CNTN3: variants seen among roughly 807,000 people sequenced by gnomAD.
CNTN3 encodes the protein contactin-3.
CNTN3 carries 60 observed loss-of-function variants against 119.1 expected under a neutral mutation model. That is an observed-to-expected ratio of 0.50 (90% CI 0.41 to 0.62). CNTN3 has a LOEUF of 0.62. CNTN3 is among the 20% of genes least tolerant of loss of function. CNTN3 has a pLI of 0.00. For synonymous variants in CNTN3, 450 were observed against 438.7 expected, an observed-to-expected ratio of 1.03 and a Z score of -0.32; for missense variants, 1,101 against 1,242.4, an observed-to-expected ratio of 0.89 and a Z score of 1.71.
intron 1 of CNTN3, among the ~76,000 whole-genome samples, chr3:74,544,654 A>G (rs908365334): frequency 1.3e-5 from 2 of 152,110 alleles, no homozygotes; most frequent in Non-Finnish European, 2.9e-5. Context: ...GCTGGAGTGC[A>G]GTGGCGCGAT....
At chr3:74,589,830 C>A (rs1455787743) in intron 1 of CNTN3, among the ~76,000 whole-genome samples, 1 of 151,482 alleles carries the variant, frequency 6.6e-6, no homozygotes, top group Non-Finnish European at 1.5e-5. Flanking sequence ...AATTGGAAAT[C>A]ATCATTCTCA....
chr3:74,603,503 A>G (rs1176078877), intron 1 of CNTN3, among the ~76,000 whole-genome samples: 2 of 152,172 alleles, frequency 1.3e-5, no homozygotes, highest in Non-Finnish European at 2.9e-5. Context: ...CTCTCATGCA[A>G]CGCAGATGAA....
intron 5 of CNTN3, among the ~76,000 whole-genome samples, chr3:74,395,818 GGCACCATTTTCCCTA>G (rs1427409186): frequency 6.6e-6 from 1 of 151,894 alleles, no homozygotes; most frequent in Non-Finnish European, 1.5e-5. Flanking sequence ...TAAGTCCATT[GGCACCATTTTCCCTA>G]CAGCGTGTGC....
intron 4 of CNTN3, among the ~76,000 whole-genome samples, chr3:74,437,691 ATG>A (rs549169868): frequency 2.0e-5 from 3 of 151,356 alleles, no homozygotes; most frequent in South Asian, 2.1e-4. Context: ...GTGTTTATAT[ATG>A]TGTGTGTGTG....
rs142066613 is a variant in CNTN3, at chr3:74,352,470, C to A, written c.1364+9420G>T. 3.5e-3 allele frequency among the ~76,000 whole-genome samples: 526 copies of A among 152,226 alleles called. 2 individuals are homozygous for A. Among genetic ancestry groups the A allele is most frequent in the Admixed American group, 7.2e-3 (110 of 15,286 alleles). ...TTGGAGGTAATTACTAACAGTGCCC[C>A]CTTTCCCTTCTAAAATGTCCCAGTT... On this transcript the variant is annotated intron_variant, in intron 11 of 22. Transcript: ENST00000263665.
At chr3:74,479,147 T>G (rs1219409355) in intron 4 of CNTN3, among the ~76,000 whole-genome samples, 3 of 151,978 alleles carry the variant, frequency 2.0e-5, no homozygotes, top group Non-Finnish European at 2.9e-5. Context: ...AGTAATAATA[T>G]GTGTGAAATA....
chr3:74,576,072 T>A (rs1382441359), intron 1 of CNTN3, among the ~76,000 whole-genome samples: 4 of 151,970 alleles, frequency 2.6e-5, no homozygotes, highest in African/African-American at 9.7e-5. Context: ...CTTCCAACAT[T>A]CCAGCCCTCT....
At chr3:74,374,054 T>C (rs1704409501) in intron 5 of CNTN3, among the ~76,000 whole-genome samples, 1 of 152,090 alleles carries the variant, frequency 6.6e-6, no homozygotes. Context: ...AGTACTGAAC[T>C]GAATGGAGGT....
rs940524381 is a variant in CNTN3 at position 74,475,866 on chromosome 3, G to A, written c.358+10590C>T. On this transcript the variant is annotated intron_variant, in intron 4 of 22. Transcript: ENST00000263665. ...TTTCCTCATATGCACATTCCCAGCC[G>A]AAGCTGACCAAAGTGACATTCTGCC... 3.5e-4 allele frequency among the ~76,000 whole-genome samples: 53 copies of A among 152,122 alleles called. 2 individuals carry two copies. Among genetic ancestry groups the A allele is most frequent in the Non-Finnish European group, 5.9e-5 (4 of 68,026 alleles).
intron 1 of CNTN3, among the ~76,000 whole-genome samples, chr3:74,601,534 C>G (rs73839608): frequency 0.016 from 2,502 of 152,244 alleles, 69 homozygotes; most frequent in African/African-American, 0.057. Context: ...AATAAAGTGA[C>G]AGTTTACATT....
chr3:74,273,413 A>C (rs905671799), intron 20 of CNTN3, among the ~76,000 whole-genome samples: 2 of 152,220 alleles, frequency 1.3e-5, no homozygotes, highest in Admixed American at 6.5e-5. Flanking sequence ...GAAACCTGAG[A>C]GGACCCACAG....
intron 4 of CNTN3, among the ~76,000 whole-genome samples, chr3:74,477,915 G>T (rs1190933504): frequency 6.6e-6 from 1 of 152,054 alleles, no homozygotes; most frequent in African/African-American, 2.4e-5. Context: ...ATGGGTGCAA[G>T]GGAAACAGTA....
rs141354534 is a variant in CNTN3 at position 74,439,986 on chromosome 3, C to T, written c.359-15046G>A. Among the ~76,000 whole-genome samples the T allele has an allele frequency of 8.0e-3, 1,216 of 152,192 alleles. 19 individuals carry two copies. The highest frequency in any genetic ancestry group is 0.028 in the African/African-American group (1,164 of 41,532). ...AGGAATAACACCTACCCAGGAACCC[C>T]CTGAGGTTTGATATAAAGACCCAAG... is the stretch of plus-strand genomic sequence containing the variant. On this transcript the variant is annotated intron_variant, in intron 4 of 22. Coordinates refer to ENST00000263665, the MANE Select transcript of CNTN3 (RefSeq NM_020872.3).
chr3:74,339,385 T>C (rs567310759), intron 11 of CNTN3, among the ~76,000 whole-genome samples: 1 of 152,254 alleles, frequency 6.6e-6, no homozygotes, highest in African/African-American at 2.4e-5. Context: ...CAAGCCTTCT[T>C]TTAATGACTT....
chr3:74,278,212 T>C (rs1701919253), intron 20 of CNTN3, among the ~76,000 whole-genome samples: 1 of 152,016 alleles, frequency 6.6e-6, no homozygotes, highest in Non-Finnish European at 1.5e-5. Context: ...ACAAATTCAA[T>C]GCAAATCCCA....
chr3:74,478,030 C>G (rs188268271), intron 4 of CNTN3, among the ~76,000 whole-genome samples: 2 of 152,156 alleles, frequency 1.3e-5, no homozygotes, highest in African/African-American at 2.4e-5. Flanking sequence ...TATTCCCAAA[C>G]TAGGACTTAC....
intron 4 of CNTN3, among the ~76,000 whole-genome samples, chr3:74,442,057 C>T (rs1388445870): frequency 6.6e-6 from 1 of 151,836 alleles, no homozygotes; most frequent in Non-Finnish European, 1.5e-5. Flanking sequence ...TAACCTAAGT[C>T]TGCCTTCTGA....
At chr3:74,431,695 T>A (rs1237170826) in intron 4 of CNTN3, among the ~76,000 whole-genome samples, 1 of 152,094 alleles carries the variant, frequency 6.6e-6, no homozygotes, top group Non-Finnish European at 1.5e-5. Context: ...AAGATGTCAA[T>A]AAGAGACTGC....
At chr3:74,522,319 C>G (rs901903748) in intron 1 of CNTN3, among the ~76,000 whole-genome samples, 16 of 151,854 alleles carry the variant, frequency 1.1e-4, no homozygotes, top group Non-Finnish European at 1.9e-4. Flanking sequence ...ATCACTCCCT[C>G]TAGGTCCACT....
Sources: gnomAD v4.1 joint callset for allele counts (sites outside exome capture counted in the v4.1 genomes callset) on GRCh38, gnomAD v4.1.1 for gene constraint, MANE v1.5 for transcripts, NCBI Gene and HGNC (gene_info 2026-07-23, HGNC 2026-07-21) for gene names.